The following VEZT variants were observed in gnomAD, a reference collection of about 807,000 sequenced individuals.
VEZT encodes vezatin, adherens junctions transmembrane protein.
A neutral mutation model predicts 79.9 loss-of-function variants in VEZT; 39 were observed. The ratio of observed to expected loss-of-function variants is 0.49; its 90% CI spans 0.38 to 0.64. VEZT has a LOEUF of 0.64. Among genes scored for constraint, VEZT ranks in the 30% least tolerant of loss-of-function variants. The pLI, the probability that VEZT is intolerant of heterozygous loss-of-function variation, is 0.00. For missense variants in VEZT, 837 were observed against 893.1 expected, an observed-to-expected ratio of 0.94 and a Z score of 0.80; for synonymous variants, 325 against 327.6, an observed-to-expected ratio of 0.99 and a Z score of 0.09.
intron 1 of VEZT, among the ~76,000 whole-genome samples, chr12:95,235,453 C>T (rs1489291435): frequency 7.5e-6 from 1 of 133,490 alleles, no homozygotes; most frequent in Non-Finnish European, 1.6e-5. Context: ...GGCGGCTGGC[C>T]GGGCAGAGGG....
chr12:95,287,657 G>C lies in VEZT; in HGVS notation c.1329-7G>C. ...GAAATCTGTTTCTGTTTTTCTTTATGACTCAGGGTAATAATTCTTGAAGAT... is the reference window on the plus strand; with the variant it reads ...GAAATCTGTTTCTGTTTTTCTTTATCACTCAGGGTAATAATTCTTGAAGAT... On this transcript the variant is annotated splice_region_variant and splice_polypyrimidine_tract_variant and intron_variant, in intron 8 of 11. Transcript: ENST00000436874. 6.6e-7 allele frequency: 1 copy of C among 1,507,536 alleles called. No homozygotes were observed. Among genetic ancestry groups the C allele is most frequent in the Non-Finnish European group, 8.9e-7 (1 of 1,126,080 alleles). 93.4% of individuals were successfully genotyped at this position (1,507,536 alleles called of 1,614,324 possible).
intron 2 of VEZT, among the ~76,000 whole-genome samples, chr12:95,252,834 G>C (rs1440417264): frequency 6.6e-6 from 1 of 152,084 alleles, no homozygotes; most frequent in South Asian, 2.1e-4. Flanking sequence ...GCGTGGTGGC[G>C]GGCGCCTGTA....
At chr12:95,296,758 G>A (rs12315334) in intron 11 of VEZT, 16,350 of 152,352 alleles carry the variant, frequency 0.11, 1,188 homozygotes, top group Non-Finnish European at 0.16. Context: ...TGGCCAACAT[G>A]GCGAAACCCC....
At chr12:95,224,031 A>G in intron 1 of VEZT, 1 of 296,676 alleles carries the variant, frequency 3.4e-6, no homozygotes, top group South Asian at 3.1e-5. Context: ...TTCCATTTTT[A>G]TTTCTTATTT....
At chr12:95,253,849 C>T (rs778214107) in intron 2 of VEZT, among the ~76,000 whole-genome samples, 5 of 152,082 alleles carry the variant, frequency 3.3e-5, no homozygotes, top group East Asian at 1.9e-4. Context: ...TCTATAATCC[C>T]GGCACTTTGG....
At chr12:95,292,847 CTTT>C (rs1204643991) in intron 9 of VEZT, among the ~76,000 whole-genome samples, 4 of 96,472 alleles carry the variant, frequency 4.1e-5, no homozygotes, top group Admixed American at 1.2e-4. Flanking sequence ...GTACCTGGCC[CTTT>C]TTTTTTTTTT....
chr12:95,236,170 C>G (rs1231034289), intron 1 of VEZT, among the ~76,000 whole-genome samples: 6 of 152,222 alleles, frequency 3.9e-5, no homozygotes, highest in Non-Finnish European at 7.3e-5. Flanking sequence ...TCTGCAATCA[C>G]GGCACCTTGG....
chr12:95,258,289 T>C (rs1395520986), intron 3 of VEZT: 7 of 455,794 alleles, frequency 1.5e-5, no homozygotes, highest in Non-Finnish European at 2.6e-5. Flanking sequence ...TGTGGTAAGG[T>C]ATATGGATCC....
rs372053267 is a variant in VEZT at position 95,234,106 on chromosome 12, AG to A, written c.36+16222del. 3.9e-5 allele frequency among the ~76,000 whole-genome samples: 6 copies of A among 152,268 alleles called. No individual in the cohort carries two copies. In the East Asian group the frequency reaches 1.2e-3, roughly 29 times the overall value. On this transcript the variant is annotated intron_variant, in intron 1 of 11. Transcript: ENST00000436874. Reference sequence around the variant, plus strand: ...TTTGTTTCAATTTGCATTTCTTCAAAGGTGAAGTTTAACATGTTTTCATTCA... The same window carrying A: ...TTTGTTTCAATTTGCATTTCTTCAAAGTGAAGTTTAACATGTTTTCATTCA...
intron 3 of VEZT, among the ~76,000 whole-genome samples, chr12:95,261,061 A>T (rs1164741054): frequency 1.3e-5 from 2 of 152,038 alleles, no homozygotes; most frequent in Non-Finnish European, 2.9e-5. Context: ...TTCCATTGAG[A>T]AGATGCTCTC....
chr12:95,247,335 C>G (rs1439903220), intron 1 of VEZT, among the ~76,000 whole-genome samples: 1 of 152,108 alleles, frequency 6.6e-6, no homozygotes, highest in Non-Finnish European at 1.5e-5. Flanking sequence ...CTTTATTTTT[C>G]TGTATACTTC....
chr12:95,257,034 T>A, intron 2 of VEZT, 116 bp from the exon 3 acceptor site: 1 of 846,938 alleles, frequency 1.2e-6, no homozygotes, highest in Non-Finnish European at 1.8e-6. Context: ...CCTGGACAAT[T>A]TTTTTCTTCC....
chr12:95,249,624 G>A (rs1037521046), intron 1 of VEZT, among the ~76,000 whole-genome samples: 15 of 152,124 alleles, frequency 9.9e-5, no homozygotes, highest in African/African-American at 3.6e-4. Flanking sequence ...ATTGCTACCA[G>A]TCCAGCAGAT....
intron 11 of VEZT, 42 bp from the exon 12 acceptor site, chr12:95,300,123 C>T: frequency 8.3e-7 from 1 of 1,203,034 alleles, no homozygotes; most frequent in Non-Finnish European, 1.1e-6. Flanking sequence ...ATTGCTAGGT[C>T]CTTAGTTATT....
Position 95,256,259 on chromosome 12 carries a change from C to G in VEZT, c.169-891C>G, listed in dbSNP as rs149741392. Among the ~76,000 whole-genome samples, 449 of 152,228 alleles carry G rather than the reference C, an allele frequency of 2.9e-3. 2 individuals are homozygous for G. The highest frequency in any genetic ancestry group is 4.6e-3 in the Non-Finnish European group (313 of 68,006). ...AGAGACGGGGTTTCTCCATGTTGGTCAGGCTGGTCTCAAACCCCTGACCTC... is the reference window on the plus strand; with the variant it reads ...AGAGACGGGGTTTCTCCATGTTGGTGAGGCTGGTCTCAAACCCCTGACCTC... On this transcript the variant is annotated intron_variant, in intron 2 of 11. Coordinates refer to ENST00000436874, the MANE Select transcript of VEZT (RefSeq NM_017599.4).
At chr12:95,287,337 T>C (rs1176000526) in intron 8 of VEZT, among the ~76,000 whole-genome samples, 2 of 152,114 alleles carry the variant, frequency 1.3e-5, no homozygotes, top group African/African-American at 4.8e-5. Context: ...TTCTTTTAAT[T>C]GAGATGGGAT....
chr12:95,238,337 C>G (rs1316209514), intron 1 of VEZT, among the ~76,000 whole-genome samples: 4 of 152,100 alleles, frequency 2.6e-5, no homozygotes, highest in Non-Finnish European at 5.9e-5. Context: ...ATAAAACGTG[C>G]TTAACTCAAT....
At chr12:95,279,695 G>A (rs947104917) in intron 7 of VEZT, among the ~76,000 whole-genome samples, 3 of 152,106 alleles carry the variant, frequency 2.0e-5, no homozygotes, top group South Asian at 2.1e-4. Flanking sequence ...GGGCTCAAGC[G>A]ATCCTCCCAC....
chr12:95,252,657 A>C (rs937823972), intron 2 of VEZT, among the ~76,000 whole-genome samples: 4 of 152,206 alleles, frequency 2.6e-5, no homozygotes, highest in African/African-American at 9.6e-5. Context: ...CCTGCTAGCC[A>C]TGTTTACTAA....
Sources: gnomAD v4.1 joint callset for allele counts (sites outside exome capture counted in the v4.1 genomes callset) on GRCh38, gnomAD v4.1.1 for gene constraint, MANE v1.5 for transcripts, NCBI Gene and HGNC (gene_info 2026-07-23, HGNC 2026-07-21) for gene names.